Variants in ARHGAP19 observed in about 807,000 individuals in gnomAD.
The protein encoded by ARHGAP19 is rho GTPase-activating protein 19.
Under a neutral mutation model 60.9 loss-of-function variants are expected in ARHGAP19, and 48 were observed. The ratio of observed to expected loss-of-function variants is 0.79; its 90% CI spans 0.62 to 1.00. ARHGAP19 has a LOEUF of 1.00. Among genes scored for constraint, ARHGAP19 ranks in the 50% least tolerant of loss-of-function variants. The pLI is 0.00. For missense variants in ARHGAP19, 562 were observed against 597.2 expected (o/e 0.94, Z 0.61); for synonymous variants, 209 against 215.5 (o/e 0.97, Z 0.27).
intron 1 of ARHGAP19, among the ~76,000 whole-genome samples, chr10:97,287,497 T>A: frequency 6.6e-6 from 1 of 152,200 alleles, no homozygotes; most frequent in Middle Eastern, 3.2e-3. Flanking sequence ...TTCCCAACAC[T>A]TTGGGAGGCC....
At chr10:97,281,269 C>T (rs530159127) in intron 1 of ARHGAP19, among the ~76,000 whole-genome samples, 2 of 151,588 alleles carry the variant, frequency 1.3e-5, no homozygotes, top group South Asian at 4.2e-4. Flanking sequence ...GGCATGGTTG[C>T]TTGAGTCTAC....
intron 6 of ARHGAP19, among the ~76,000 whole-genome samples, chr10:97,251,186 A>AGG (rs1842643364): frequency 2.2e-5 from 1 of 46,066 alleles, no homozygotes; most frequent in Non-Finnish European, 3.9e-5. Flanking sequence ...GGAAAGGGAA[A>AGG]GGAAGGGAAG....
intron 6 of ARHGAP19, among the ~76,000 whole-genome samples, chr10:97,249,032 A>G (rs976305768): frequency 6.6e-6 from 1 of 152,054 alleles, no homozygotes; most frequent in Non-Finnish European, 1.5e-5. Context: ...TGCCCAGGAG[A>G]ATATCAACAT....
At chr10:97,247,433 T>C (rs1210375786) in intron 6 of ARHGAP19, among the ~76,000 whole-genome samples, 1 of 152,214 alleles carries the variant, frequency 6.6e-6, no homozygotes, top group Non-Finnish European at 1.5e-5. Context: ...ACTGGGTTTG[T>C]AACATCTAAT....
chr10:97,233,204 G>A (rs1228070613), intron 9 of ARHGAP19, among the ~76,000 whole-genome samples: 2 of 151,342 alleles, frequency 1.3e-5, no homozygotes, highest in Non-Finnish European at 2.9e-5. Flanking sequence ...TTAAAAATCA[G>A]CCAGGTATGA....
intron 1 of ARHGAP19, among the ~76,000 whole-genome samples, chr10:97,273,962 TAC>T (rs55827822): frequency 1.1e-3 from 170 of 149,850 alleles, no homozygotes; most frequent in African/African-American, 3.4e-3. Context: ...AAGCCACACA[TAC>T]ACACACACAC....
intron 1 of ARHGAP19, among the ~76,000 whole-genome samples, chr10:97,282,055 A>G (rs1312923542): frequency 6.6e-6 from 1 of 152,180 alleles, no homozygotes; most frequent in East Asian, 1.9e-4. Context: ...TCCTCTGGTA[A>G]CAGCACCCCC....
chr10:97,259,629 C>G lies in ARHGAP19; in HGVS notation c.614-1G>C. ...CCTTTATCATCAAACTGCATCAAAT[C>G]TTGAGGACAAAAGAGAATTTGCAAA... On this transcript the variant is annotated splice_acceptor_variant, in intron 4 of 11. Coordinates refer to ENST00000358531, the MANE Select transcript of ARHGAP19 (RefSeq NM_032900.6). LOFTEE classifies it high-confidence loss of function. 6.2e-7 allele frequency: 1 copy of G among 1,613,226 alleles called. No individual in the cohort carries two copies. Among genetic ancestry groups the G allele is most frequent in the Non-Finnish European group, 8.5e-7 (1 of 1,179,300 alleles).
chr10:97,259,389 C>T lies in ARHGAP19; in HGVS notation c.840+13G>A, dbSNP rs901983109. On this transcript the variant is annotated intron_variant, in intron 5 of 11. Coordinates refer to ENST00000358531, the MANE Select transcript of ARHGAP19 (RefSeq NM_032900.6). ...AAAACCAAGCAATCTTTACTCTTCCCGTCAACACTCACATTTTTTGGCCAC... is the reference window on the plus strand; with the variant it reads ...AAAACCAAGCAATCTTTACTCTTCCTGTCAACACTCACATTTTTTGGCCAC... The T allele has an allele frequency of 2.5e-6, 4 of 1,601,470 alleles. No individual in the cohort carries two copies. The highest frequency in any genetic ancestry group is 3.4e-6 in the Non-Finnish European group (4 of 1,168,408).
At chr10:97,256,238 A>G in intron 6 of ARHGAP19, 80 bp downstream of exon 6, 2 of 1,146,486 alleles carry the variant, frequency 1.7e-6, no homozygotes, top group African/African-American at 1.5e-5. Context: ...TCGTTTAGTT[A>G]TCTTTATAGC....
intron 8 of ARHGAP19, among the ~76,000 whole-genome samples, chr10:97,237,273 A>AC (rs1358468100): frequency 6.6e-6 from 1 of 151,540 alleles, no homozygotes; most frequent in South Asian, 2.1e-4. Flanking sequence ...CAAAAAAAAA[A>AC]AAAAAAAAAC....
chr10:97,272,909 C>T (rs1347490598), intron 1 of ARHGAP19, among the ~76,000 whole-genome samples: 1 of 148,756 alleles, frequency 6.7e-6, no homozygotes, highest in Non-Finnish European at 1.5e-5. Flanking sequence ...GGGACGATCT[C>T]GGCTGACTGC....
chr10:97,241,303 C>T (rs1230363700), intron 8 of ARHGAP19, among the ~76,000 whole-genome samples: 9 of 151,856 alleles, frequency 5.9e-5, no homozygotes, highest in Admixed American at 2.0e-4. Context: ...CAAATATGAT[C>T]TTTTACTTAA....
At chr10:97,290,612 G>A (rs1004545085) in intron 1 of ARHGAP19, among the ~76,000 whole-genome samples, 2 of 152,040 alleles carry the variant, frequency 1.3e-5, no homozygotes, top group African/African-American at 4.8e-5. Context: ...CCACCATCTT[G>A]GGAGCTCTGT....
intron 1 of ARHGAP19, chr10:97,270,708 C>G: frequency 6.5e-7 from 1 of 1,531,822 alleles, no homozygotes; most frequent in Non-Finnish European, 8.8e-7. Context: ...TTCCCTGCCC[C>G]AGCACAGCCT....
intron 1 of ARHGAP19, among the ~76,000 whole-genome samples, chr10:97,274,300 C>A (rs1446760034): frequency 2.6e-5 from 4 of 152,110 alleles, no homozygotes; most frequent in Admixed American, 2.0e-4. Context: ...CCCGTCTCTA[C>A]TAAAAAATAC....
At position 97,244,152 on chromosome 10, in the gene ARHGAP19, A is replaced by G; in HGVS notation, c.1001T>C (p.Leu334Pro). ...GSRTQASKDD[L>P]DLIASCHTKS... ...AGTATGACATGAAGCTATGAGGTCAAGGTCATCCTAAGGAAAATTTAAAAG... is the reference window on the plus strand; with the variant it reads ...AGTATGACATGAAGCTATGAGGTCAGGGTCATCCTAAGGAAAATTTAAAAG... The change falls in exon 8 of 12, where the codon CTT (leucine) becomes CCT (proline). Residue 334 changes from leucine to proline, a missense_variant. Physicochemically the swap from Leu to Pro is moderately conservative, Grantham distance 98 (BLOSUM62 -3). Coordinates refer to ENST00000358531, the MANE Select transcript of ARHGAP19 (RefSeq NM_032900.6). 6.3e-7 allele frequency: 1 copy of G among 1,584,772 alleles called. No homozygotes were observed. Among genetic ancestry groups the G allele is most frequent in the Non-Finnish European group, 8.6e-7 (1 of 1,167,742 alleles).
rs182924456 is a variant in ARHGAP19 at position 97,223,944 on chromosome 10, A to C, written c.*2178T>G. ...AACATATTCAATAAATAAACAAAAC[A>C]CACATAAACCACCCAAGGAGACCAG... On this transcript the variant is annotated 3_prime_UTR_variant, in exon 12 of 12. Coordinates refer to ENST00000358531, the MANE Select transcript of ARHGAP19 (RefSeq NM_032900.6). 2.3e-4 allele frequency: 35 copies of C among 152,314 alleles called. No homozygotes were observed. The highest frequency in any genetic ancestry group is 7.7e-4 in the African/African-American group (32 of 41,574). The allele number at this position is 152,314 out of a possible 1,614,324, so 9.4% of individuals were successfully genotyped here. A position where few individuals can be genotyped will look rare whatever the true frequency, so the allele number is the denominator to read the frequency against.
At chr10:97,289,447 G>A (rs1189786054) in intron 1 of ARHGAP19, among the ~76,000 whole-genome samples, 1 of 152,002 alleles carries the variant, frequency 6.6e-6, no homozygotes, top group East Asian at 1.9e-4. Flanking sequence ...TTGATGAAAT[G>A]GTTTCAGGTT....
Sources: allele counts gnomAD v4.1 joint callset (sites outside exome capture counted in the v4.1 genomes callset), GRCh38; gene constraint gnomAD v4.1.1; transcripts MANE v1.5; gene names NCBI Gene and HGNC (gene_info 2026-07-23, HGNC 2026-07-21).